EYS: variants seen among roughly 807,000 people sequenced by gnomAD.
EYS encodes the protein protein eyes shut homolog.
EYS carries 250 observed loss-of-function variants against 282.1 expected under a neutral mutation model. The ratio of observed to expected loss-of-function variants is 0.89; its 90% CI spans 0.80 to 0.98. EYS has a LOEUF of 0.98. Among genes scored for constraint, EYS ranks in the 50% least tolerant of loss-of-function variants. The pLI is 0.00. For synonymous variants in EYS, 1,355 were observed against 1,282.9 expected, an observed-to-expected ratio of 1.06 and a Z score of -1.20; for missense variants, 4,016 against 3,709.0, an observed-to-expected ratio of 1.08 and a Z score of -2.15.
chr6:64,757,790 T>G (rs1412842358), intron 22 of EYS, among the ~76,000 whole-genome samples: 13 of 130,630 alleles, frequency 1.0e-4, no homozygotes, highest in African/African-American at 3.6e-4. Context: ...GTGTGTGTTT[T>G]GTTTGTTTGT....
At chr6:64,351,051 G>A (rs569422396) in intron 29 of EYS, among the ~76,000 whole-genome samples, 3 of 141,604 alleles carry the variant, frequency 2.1e-5, no homozygotes, top group South Asian at 4.6e-4. Context: ...GTGAAACTAT[G>A]AGTCAATGAA....
chr6:64,586,558 T>C (rs1351025635), intron 26 of EYS, among the ~76,000 whole-genome samples: 2 of 151,970 alleles, frequency 1.3e-5, no homozygotes. Context: ...GCCAAAAAGA[T>C]TTGAAGATGT....
rs1326370032 is a variant in EYS, at chr6:63,720,694, TAATTTTGCCAACAAAATTGG to T, written c.9317_9336del (p.Thr3106LysfsTer13). On this transcript the variant is annotated frameshift_variant, in exon 43 of 43. Transcript: ENST00000503581. LOFTEE classifies it high-confidence loss of function. The stretch of plus-strand genomic sequence containing the variant: ...GGTTCCTGAAAAAATACAACATCTT[TAATTTTGCCAACAAAATTGG>T]TTTTAAAAATCTCTTGAGTAACGAT... 4.5e-5 allele frequency: 70 copies of T among 1,548,408 alleles called. No homozygotes were observed. The highest frequency in any genetic ancestry group is 5.8e-5 in the Non-Finnish European group (67 of 1,145,710).
At chr6:63,885,181 T>C (rs729291) in intron 35 of EYS, among the ~76,000 whole-genome samples, 76,281 of 151,956 alleles carry the variant, frequency 0.5, 20,624 homozygotes, top group African/African-American at 0.7. Context: ...TCATATAACA[T>C]GAAGCACCAA....
intron 12 of EYS, among the ~76,000 whole-genome samples, chr6:65,072,604 T>C (rs866525501): frequency 8.6e-5 from 13 of 151,844 alleles, no homozygotes; most frequent in African/African-American, 9.7e-5. Context: ...TGAGATCCAA[T>C]CTGCAATGTA....
At chr6:65,535,927 G>A (rs1033301812) in intron 2 of EYS, among the ~76,000 whole-genome samples, 3 of 152,040 alleles carry the variant, frequency 2.0e-5, no homozygotes, top group East Asian at 3.9e-4. Context: ...ATATACAGGT[G>A]TCTAGCCCCT....
chr6:64,687,667 T>A (rs536254707), intron 22 of EYS, among the ~76,000 whole-genome samples: 12 of 152,330 alleles, frequency 7.9e-5, no homozygotes, highest in African/African-American at 2.9e-4. Context: ...TCAGGGATAT[T>A]AGTCTAAAAT....
intron 2 of EYS, among the ~76,000 whole-genome samples, chr6:65,596,000 C>T (rs1445191431): frequency 6.6e-6 from 1 of 152,052 alleles, no homozygotes; most frequent in East Asian, 1.9e-4. Context: ...ATTGCGAGCA[C>T]CCCTATGAGG....
intron 29 of EYS, among the ~76,000 whole-genome samples, chr6:64,368,078 G>T (rs758831147): frequency 6.6e-6 from 1 of 151,946 alleles, no homozygotes; most frequent in Non-Finnish European, 1.5e-5. Context: ...GTAGTTTTTC[G>T]ATCCTCAACC....
At position 65,130,774 on chromosome 6, in the gene EYS, C is replaced by T. The variant is rs540516308; in HGVS notation, c.2024-73047G>A. ...GACACAAGCTTACCTGTGGAACAAA[C>T]GGCACATGTACCCTGGAACTAAAGT... is the stretch of plus-strand genomic sequence containing the variant. On this transcript the variant is annotated intron_variant, in intron 12 of 42. Transcript: ENST00000503581. Among the ~76,000 whole-genome samples the T allele has an allele frequency of 5.0e-4, 74 of 147,224 alleles. 2 individuals are homozygous for T. In the South Asian group the frequency reaches 8.6e-3, roughly 17 times the overall value.
intron 12 of EYS, among the ~76,000 whole-genome samples, chr6:65,207,024 G>C (rs966800817): frequency 6.6e-6 from 1 of 151,772 alleles, no homozygotes; most frequent in Non-Finnish European, 1.5e-5. Flanking sequence ...TTCGTAGCTA[G>C]AGCAATCAGG....
At chr6:64,193,318 T>TA (rs1475826840) in intron 31 of EYS, among the ~76,000 whole-genome samples, 4 of 147,922 alleles carry the variant, frequency 2.7e-5, no homozygotes, top group Non-Finnish European at 4.5e-5. Flanking sequence ...TTGTTTTTTC[T>TA]TTTTTTTTTG....
rs9354052 is a variant in EYS, at chr6:64,706,943, A to C, written c.3444-80698T>G. On this transcript the variant is annotated intron_variant, in intron 22 of 42. Coordinates refer to ENST00000503581, the MANE Select transcript of EYS (RefSeq NM_001142800.2). ...GAACTAAAAGTAGAACTACCATTTG[A>C]TTCAGCAACCCCACTGCTGGGTATT... is the stretch of plus-strand genomic sequence containing the variant. 5.3e-5 allele frequency among the ~76,000 whole-genome samples: 8 copies of C among 152,326 alleles called. No individual in the cohort carries two copies. In the East Asian group the frequency reaches 1.5e-3, roughly 29 times the overall value.
chr6:64,312,442 T>C (rs1769753849), intron 29 of EYS, among the ~76,000 whole-genome samples: 1 of 152,124 alleles, frequency 6.6e-6, no homozygotes, highest in African/African-American at 2.4e-5. Context: ...AAAGGGTGGC[T>C]GTGGGGGCAG....
intron 31 of EYS, among the ~76,000 whole-genome samples, chr6:64,149,642 T>C (rs1774635608): frequency 6.6e-6 from 1 of 152,188 alleles, no homozygotes; most frequent in African/African-American, 2.4e-5. Context: ...AACAAGTATA[T>C]GAAATAGGCA....
intron 29 of EYS, among the ~76,000 whole-genome samples, chr6:64,317,856 A>C (rs1021799749): frequency 1.3e-5 from 2 of 152,072 alleles, no homozygotes; most frequent in African/African-American, 2.4e-5. Flanking sequence ...GCCATGAAAA[A>C]CATGAATTCA....
intron 24 of EYS, among the ~76,000 whole-genome samples, chr6:64,594,892 T>A (rs1048704816): frequency 6.6e-6 from 1 of 151,836 alleles, no homozygotes; most frequent in Admixed American, 6.6e-5. Context: ...CTAACACCAA[T>A]TCTTCTCAAG....
At chr6:64,068,635 A>G (rs768282975) in intron 32 of EYS, among the ~76,000 whole-genome samples, 2 of 151,866 alleles carry the variant, frequency 1.3e-5, no homozygotes, top group Non-Finnish European at 2.9e-5. Context: ...GTGCACATGT[A>G]CCCTAGAATT....
chr6:64,863,330 ACTAGTTTCTTTACAT>A (rs1306615959), intron 19 of EYS, among the ~76,000 whole-genome samples: 6 of 151,870 alleles, frequency 4.0e-5, no homozygotes, highest in Non-Finnish European at 8.8e-5. Context: ...CATTATTCCC[ACTAGTTTCTTTACAT>A]TTTTAAACAT....
Sources: allele counts gnomAD v4.1 joint callset (sites outside exome capture counted in the v4.1 genomes callset), GRCh38; gene constraint gnomAD v4.1.1; transcripts MANE v1.5; gene names NCBI Gene and HGNC (gene_info 2026-07-23, HGNC 2026-07-21).